Variants in NOC3L observed in about 807,000 individuals in gnomAD.
NOC3L encodes NOC3 like DNA replication regulator.
Under a neutral mutation model 102.5 loss-of-function variants are expected in NOC3L, and 85 were observed. The observed-to-expected ratio is 0.83, with a 90% confidence interval of 0.70 to 0.99. The LOEUF (loss-of-function observed/expected upper bound fraction) is 0.99. NOC3L is among the 50% of genes least tolerant of loss of function. The pLI, the probability that NOC3L is intolerant of heterozygous loss-of-function variation, is 0.00. For synonymous variants in NOC3L, 303 were observed against 309.4 expected (o/e 0.98, Z 0.22); for missense variants, 878 against 914.9 (o/e 0.96, Z 0.52).
At chr10:94,352,118 G>A (rs183334216) in intron 8 of NOC3L, among the ~76,000 whole-genome samples, 192 bp downstream of exon 8, 74 of 152,224 alleles carry the variant, frequency 4.9e-4, no homozygotes, top group African/African-American at 1.6e-3. Context: ...CTGAGACACA[G>A]AAAGACTATG....
At chr10:94,330,499 G>C (rs554493707), downstream of NOC3L, 1 of 152,008 alleles carries the variant, frequency 6.6e-6, no homozygotes, top group Non-Finnish European at 1.5e-5. Flanking sequence ...GGTGAAACCC[G>C]TCTCTACTAA....
At chr10:94,323,745 G>A in the NOC3L span, among the ~76,000 whole-genome samples, 1 of 152,166 alleles carries the variant, frequency 6.6e-6, no homozygotes, top group Admixed American at 6.5e-5. Flanking sequence ...AAAGGGCCCA[G>A]ACTTACATTT....
At chr10:94,344,271 G>A (rs547934878) in intron 13 of NOC3L, 144 bp downstream of exon 13, 349 of 533,956 alleles carry the variant, frequency 6.5e-4, no homozygotes, top group Non-Finnish European at 8.9e-4. Context: ...CCACTGTTAT[G>A]AATAGCTTCA....
chr10:94,326,822 C>G, the NOC3L span, among the ~76,000 whole-genome samples: 2 of 152,022 alleles, frequency 1.3e-5, no homozygotes, highest in African/African-American at 4.8e-5. Context: ...TCTAAGCAAG[C>G]AGATATTTAG....
At chr10:94,325,353 C>T in the NOC3L span, 1 of 395,012 alleles carries the variant, frequency 2.5e-6, no homozygotes, top group Non-Finnish European at 4.8e-6. Context: ...AATCCCAGCA[C>T]TTTGGGAGGC....
chr10:94,335,697 A>G (rs11187881), intron 19 of NOC3L, among the ~76,000 whole-genome samples: 46,288 of 152,090 alleles, frequency 0.3, 7,337 homozygotes, highest in Middle Eastern at 0.47. Flanking sequence ...TGTGAATTTC[A>G]GATGAATTCT....
At position 94,339,742 on chromosome 10, in the gene NOC3L, C is replaced by A. The variant is rs1279818820; in HGVS notation, c.1959G>T (p.Met653Ile). The A allele has an allele frequency of 6.2e-7, 1 of 1,612,532 alleles. No individual in the cohort carries two copies. Among genetic ancestry groups the A allele is most frequent in the Admixed American group, 1.7e-5 (1 of 59,854 alleles). The change falls in exon 17 of 21, where the codon ATG becomes ATT. Residue 653 changes from methionine to isoleucine, a missense_variant. Transcript: ENST00000371361. ...GTTCATTTGTATCACTACTTACATG[C>A]ATTAATATTCTGGTAGTTGCTAAAA... ...IGILATTRIL[M>I]HTFPKTDLLL...
intron 18 of NOC3L, 85 bp downstream of exon 18, chr10:94,338,523 T>C (rs760123138): frequency 2.2e-6 from 3 of 1,360,162 alleles, no homozygotes; most frequent in Non-Finnish European, 2.9e-6. Context: ...TTAAGTACTC[T>C]GGCAATAACA....
rs774185927 is a variant in NOC3L, at chr10:94,334,185, G to A, written c.2395C>T (p.Leu799=). ...CTGACTTCATTCCTCTACTAGTGTAGTGATGTTTTCAAATATTTCGTGAAA... is the reference window on the plus strand; with the variant it reads ...CTGACTTCATTCCTCTACTAGTGTAATGATGTTTTCAAATATTTCGTGAAA... ...LDFTKYLKTS[L]H The change falls in exon 21 of 21, where the codon CTA becomes TTA. Residue 799 remains leucine (L), a synonymous_variant. Coordinates refer to ENST00000371361, the MANE Select transcript of NOC3L (RefSeq NM_022451.11). The A allele has an allele frequency of 7.2e-7, 1 of 1,380,562 alleles. No homozygotes were observed. The highest frequency in any genetic ancestry group is 1.0e-6 in the Non-Finnish European group (1 of 968,304). 85.5% of individuals were successfully genotyped at this position (1,380,562 alleles called of 1,614,324 possible).
chr10:94,349,433 C>T lies in NOC3L; in HGVS notation c.1129-55G>A, dbSNP rs564376090. On this transcript the variant is annotated intron_variant, in intron 9 of 20. Transcript: ENST00000371361. ...TGTTTCTCAACCTTAGCACTACTGACGTTTTGGGTAACAGAATTCTTTGTT... is the reference window on the plus strand; with the variant it reads ...TGTTTCTCAACCTTAGCACTACTGATGTTTTGGGTAACAGAATTCTTTGTT... 11 of 1,490,086 alleles carry T rather than the reference C, an allele frequency of 7.4e-6. No individual in the cohort carries two copies. The African/African-American group carries it at 8.6e-5, about 12-fold the overall frequency. The allele number at this position is 1,490,086 out of a possible 1,614,324, so 92.3% of individuals were successfully genotyped here.
At chr10:94,321,919 A>G in the NOC3L span, 2 of 1,613,552 alleles carry the variant, frequency 1.2e-6, no homozygotes, top group Non-Finnish European at 1.7e-6. Flanking sequence ...AGAGAAAAAC[A>G]TTGTTCAAGA....
chr10:94,337,493 A>G (rs957544804), intron 19 of NOC3L, among the ~76,000 whole-genome samples: 3 of 152,312 alleles, frequency 2.0e-5, no homozygotes, highest in African/African-American at 7.2e-5. Context: ...GCATATGGAC[A>G]TTCACTATGC....
At chr10:94,336,041 T>C (rs2054213692) in intron 19 of NOC3L, among the ~76,000 whole-genome samples, 1 of 152,208 alleles carries the variant, frequency 6.6e-6, no homozygotes, top group Non-Finnish European at 1.5e-5. Context: ...AACACTAAGC[T>C]TGTAGGAGTT....
At chr10:94,332,513 G>C (rs937307602), downstream of NOC3L, 1 of 112,392 alleles carries the variant, frequency 8.9e-6, no homozygotes, top group Non-Finnish European at 1.9e-5. Context: ...GCCTGTGTGT[G>C]TGTGTGTGTG....
the NOC3L span, chr10:94,316,498 GTTT>G: frequency 1.1e-5 from 13 of 1,190,504 alleles, no homozygotes; most frequent in Non-Finnish European, 1.5e-5. Flanking sequence ...AAGTTGATTT[GTTT>G]TAAGTTTTTG....
intron 20 of NOC3L, 34 bp downstream of exon 20, chr10:94,334,600 T>G (rs777803457): frequency 1.3e-6 from 2 of 1,501,498 alleles, no homozygotes; most frequent in East Asian, 4.5e-5. Flanking sequence ...TGGTTTCTAT[T>G]TCTTCCTTTA....
chr10:94,342,539 C>G (rs2054297439), intron 13 of NOC3L, among the ~76,000 whole-genome samples: 1 of 130,782 alleles, frequency 7.6e-6, no homozygotes. Flanking sequence ...TACATGCACA[C>G]ACATGCATGA....
intron 17 of NOC3L, among the ~76,000 whole-genome samples, chr10:94,339,430 C>A (rs1348414546): frequency 1.3e-5 from 2 of 152,106 alleles, no homozygotes; most frequent in Admixed American, 1.3e-4. Flanking sequence ...ATAGCATAAT[C>A]CTCTTTCCAT....
At chr10:94,321,326 A>G in the NOC3L span, among the ~76,000 whole-genome samples, 1 of 152,346 alleles carries the variant, frequency 6.6e-6, no homozygotes, top group South Asian at 2.1e-4. Context: ...CCTACAGTCA[A>G]CTTGGACTCT....
Sources: gnomAD v4.1 joint callset for allele counts (sites outside exome capture counted in the v4.1 genomes callset) on GRCh38, gnomAD v4.1.1 for gene constraint, MANE v1.5 for transcripts, NCBI Gene and HGNC (gene_info 2026-07-23, HGNC 2026-07-21) for gene names.